Variants in LRRC37A2 observed in about 807,000 individuals in gnomAD.
The protein encoded by LRRC37A2 is leucine-rich repeat-containing protein 37A2.
LRRC37A2 carries 9 observed loss-of-function variants against 68.8 expected under a neutral mutation model. The observed-to-expected ratio is 0.13, with a 90% confidence interval of 0.08 to 0.23. The LOEUF is 0.23. Ranked by LOEUF, LRRC37A2 falls within the 10% of genes least tolerant of loss-of-function variation. The pLI, the probability that LRRC37A2 is intolerant of heterozygous loss-of-function variation, is 1.00. For missense variants in LRRC37A2, 168 were observed against 950.4 expected, an observed-to-expected ratio of 0.18 and a Z score of 10.82; for synonymous variants, 63 against 367.6, an observed-to-expected ratio of 0.17 and a Z score of 9.48.
At chr17:46,901,880 C>T in the LRRC37A2 span, among the ~76,000 whole-genome samples, 3 of 149,572 alleles carry the variant, frequency 2.0e-5, no homozygotes, top group East Asian at 5.9e-4. Context: ...AATCTCGGCT[C>T]ACTGCAACCT....
chr17:46,764,150 T>G, the LRRC37A2 span: 1 of 152,310 alleles, frequency 6.6e-6, no homozygotes, highest in Non-Finnish European at 1.5e-5. Flanking sequence ...AAAAGGAGAC[T>G]GCAGGGGTGT....
At chr17:46,897,488 C>T in the LRRC37A2 span, among the ~76,000 whole-genome samples, 1 of 152,122 alleles carries the variant, frequency 6.6e-6, no homozygotes, top group Admixed American at 6.5e-5. Flanking sequence ...TAAACTAGAA[C>T]TCTAGGTTAC....
the LRRC37A2 span, among the ~76,000 whole-genome samples, chr17:46,977,706 C>T: frequency 1.3e-5 from 2 of 152,364 alleles, no homozygotes; most frequent in South Asian, 4.1e-4. Flanking sequence ...GGGGTTTCTT[C>T]CGTCTACTCA....
chr17:47,026,652 G>C, the LRRC37A2 span, among the ~76,000 whole-genome samples: 1 of 151,894 alleles, frequency 6.6e-6, no homozygotes, highest in African/African-American at 2.4e-5. Context: ...AAAGAGGGAG[G>C]GACAAACTCC....
chr17:47,000,063 TTAAAATAAAATA>T, the LRRC37A2 span, among the ~76,000 whole-genome samples: 2,501 of 17,378 alleles, frequency 0.14, 395 homozygotes, highest in African/African-American at 0.2. Context: ...TAAAATAAAA[TTAAAATAAAATA>T]AAAAATAAAA....
At chr17:47,005,083 C>G in the LRRC37A2 span, among the ~76,000 whole-genome samples, 1 of 152,182 alleles carries the variant, frequency 6.6e-6, no homozygotes, top group African/African-American at 2.4e-5. Context: ...CCAGTCACTT[C>G]CTAACTCTGT....
the LRRC37A2 span, among the ~76,000 whole-genome samples, chr17:47,020,797 A>AAAAAAAAAAAAG: frequency 6.8e-6 from 1 of 146,222 alleles, no homozygotes; most frequent in African/African-American, 2.5e-5. Context: ...AAAAAAAAAA[A>AAAAAAAAAAAAG]AAAAAAAAAT....
chr17:46,995,252 G>C, the LRRC37A2 span, among the ~76,000 whole-genome samples: 1 of 152,124 alleles, frequency 6.6e-6, no homozygotes. Flanking sequence ...CTAAGCCCCA[G>C]GACCTAGGGC....
At chr17:46,978,935 G>T in the LRRC37A2 span, 157,818 of 1,456,530 alleles carry the variant, frequency 0.11, 9,276 homozygotes, top group South Asian at 0.21. Context: ...CGGTTTCCCA[G>T]GGCGGCCCCG....
chr17:46,857,474 CAAAAAA>C, the LRRC37A2 span, among the ~76,000 whole-genome samples: 1,435 of 94,656 alleles, frequency 0.015, 19 homozygotes, highest in African/African-American at 0.046. Context: ...GACTCTGTCT[CAAAAAA>C]AAAAAAAAAA....
chr17:46,575,400 T>G, the LRRC37A2 span, among the ~76,000 whole-genome samples: 1 of 151,902 alleles, frequency 6.6e-6, no homozygotes, highest in Non-Finnish European at 1.5e-5. Context: ...GAAATCACAC[T>G]CCATCTCTAA....
chr17:46,985,387 G>A, the LRRC37A2 span, among the ~76,000 whole-genome samples: 4 of 152,094 alleles, frequency 2.6e-5, no homozygotes, highest in Admixed American at 6.6e-5. Context: ...GGGCGTGGTG[G>A]TGCACGCCTG....
At chr17:46,539,416 AT>A (rs926200262) in intron 6 of LRRC37A2, among the ~76,000 whole-genome samples, 14 of 143,276 alleles carry the variant, frequency 9.8e-5, no homozygotes, top group East Asian at 4.1e-4. Context: ...AATTGGTCCT[AT>A]TTTTTTTTAA....
chr17:46,858,001 C>T, the LRRC37A2 span, among the ~76,000 whole-genome samples: 4 of 152,272 alleles, frequency 2.6e-5, no homozygotes, highest in East Asian at 7.7e-4. Flanking sequence ...ATGATCTTGG[C>T]TAACTGCAAC....
the LRRC37A2 span, among the ~76,000 whole-genome samples, chr17:46,798,348 G>A: frequency 6.6e-6 from 1 of 152,192 alleles, no homozygotes; most frequent in African/African-American, 2.4e-5. Context: ...GCCTAGTCAC[G>A]GTCTGGTCCT....
the LRRC37A2 span, among the ~76,000 whole-genome samples, chr17:46,638,464 G>A: frequency 3.9e-5 from 2 of 51,804 alleles, no homozygotes; most frequent in Admixed American, 2.4e-4. Flanking sequence ...TGCAACCTCC[G>A]CTTTCTGGGT....
At chr17:46,803,265 G>T in the LRRC37A2 span, among the ~76,000 whole-genome samples, 25 of 152,292 alleles carry the variant, frequency 1.6e-4, no homozygotes, top group African/African-American at 5.5e-4. Context: ...CAGGCGTAGC[G>T]GCTCACACCT....
chr17:46,828,700 G>A, the LRRC37A2 span, among the ~76,000 whole-genome samples: 1 of 151,768 alleles, frequency 6.6e-6, no homozygotes, highest in African/African-American at 2.4e-5. Flanking sequence ...GCTCATGCCT[G>A]TATTTCCAGC....
the LRRC37A2 span, among the ~76,000 whole-genome samples, chr17:46,883,407 A>G: frequency 1.3e-5 from 2 of 149,546 alleles, no homozygotes; most frequent in African/African-American, 2.5e-5. Context: ...GCCTCAGCCT[A>G]TAGAGTAGCT....
Sources: gnomAD v4.1 joint callset for allele counts (sites outside exome capture counted in the v4.1 genomes callset) on GRCh38, gnomAD v4.1.1 for gene constraint, MANE v1.5 for transcripts, NCBI Gene and HGNC (gene_info 2026-07-23, HGNC 2026-07-21) for gene names.